Variants in MOB2 observed in about 807,000 individuals in gnomAD.
MOB2 encodes the protein MOB kinase activator 2.
A neutral mutation model predicts 27.4 loss-of-function variants in MOB2; 14 were observed. The ratio of observed to expected loss-of-function variants is 0.51; its 90% CI spans 0.34 to 0.80. The LOEUF (loss-of-function observed/expected upper bound fraction) is 0.80. Ranked by LOEUF, MOB2 falls within the 30% of genes least tolerant of loss-of-function variation. The pLI, the probability that MOB2 is intolerant of heterozygous loss-of-function variation, is 0.01. For synonymous variants in MOB2, 167 were observed against 151.8 expected, an observed-to-expected ratio of 1.10 and a Z score of -0.74; for missense variants, 304 against 354.6, an observed-to-expected ratio of 0.86 and a Z score of 1.15.
At chr11:1,473,463 C>G (rs1241806965) in intron 3 of MOB2, 1 of 152,326 alleles carries the variant, frequency 6.6e-6, no homozygotes, top group Non-Finnish European at 1.5e-5. Flanking sequence ...CAGGCTGAGG[C>G]CCATGTTTCC....
At chr11:1,483,984 GCTGGGAGC>G (rs1167657829) in intron 1 of MOB2, among the ~76,000 whole-genome samples, 2 of 152,310 alleles carry the variant, frequency 1.3e-5, no homozygotes, top group East Asian at 1.9e-4. Flanking sequence ...TGGGGAGTGG[GCTGGGAGC>G]CGCCCACTCC....
chr11:1,480,586 A>C, intron 2 of MOB2, 100 bp from the exon 3 acceptor site: 1 of 1,532,554 alleles, frequency 6.5e-7, no homozygotes, highest in Non-Finnish European at 8.9e-7. Context: ...CGGCTGGGTG[A>C]GCTCTGCCCG....
rs777203137 is a variant in MOB2 at position 1,470,145 on chromosome 11, C to T, written c.*27G>A. ...ACACACACCACCGTCTCTTTGCACA[C>T]GTGTGCCCCTGTCCGGCCCGGGGGG... is the stretch of plus-strand genomic sequence containing the variant. On this transcript the variant is annotated 3_prime_UTR_variant, in exon 5 of 5. Coordinates refer to ENST00000329957, the MANE Select transcript of MOB2 (RefSeq NM_001172223.3). The T allele has an allele frequency of 2.5e-5, 39 of 1,566,590 alleles. 1 individual carries two copies. The highest frequency in any genetic ancestry group is 1.7e-4 in the Middle Eastern group (1 of 6,004).
intron 1 of MOB2, among the ~76,000 whole-genome samples, chr11:1,485,569 G>T (rs1847960918): frequency 9.2e-5 from 14 of 152,212 alleles, no homozygotes; most frequent in Admixed American, 9.2e-4. Flanking sequence ...GAGGCACGGA[G>T]ATGCACACGG....
At chr11:1,484,678 C>T (rs1847952150) in intron 1 of MOB2, among the ~76,000 whole-genome samples, 1 of 152,080 alleles carries the variant, frequency 6.6e-6, no homozygotes, top group African/African-American at 2.4e-5. Context: ...CTGATGTGGC[C>T]TTCTGGGTGT....
Position 1,470,384 on chromosome 11 carries a change from C to A in MOB2, c.595G>T (p.Ala199Ser), listed in dbSNP as rs768509753. The change falls in exon 5 of 5, where the codon GCC (alanine) becomes TCC (serine). Residue 199 changes from alanine to serine, a missense_variant. Ala to Ser is a moderately conservative substitution (Grantham distance 99). Coordinates refer to ENST00000329957, the MANE Select transcript of MOB2 (RefSeq NM_001172223.3). ...IYWAHFKETL[A>S]LELHGHLNTL... ...TTCAAGTGTCCGTGCAGCTCCAGGG[C>A]CAGCGTCTCCTTGAAGTGGGCCCAG... 8 of 1,613,690 alleles carry A rather than the reference C, an allele frequency of 5.0e-6. No individual in the cohort carries two copies. The highest frequency in any genetic ancestry group is 1.7e-5 in the Admixed American group (1 of 60,038).
intron 1 of MOB2, among the ~76,000 whole-genome samples, chr11:1,483,251 G>A (rs552670388): frequency 2.0e-5 from 3 of 152,182 alleles, no homozygotes; most frequent in Non-Finnish European, 4.4e-5. Context: ...CTGGCTAGGA[G>A]CCCCGGGGCA....
intron 1 of MOB2, among the ~76,000 whole-genome samples, chr11:1,483,790 C>A (rs4323851): frequency 2.6e-5 from 4 of 152,200 alleles, no homozygotes; most frequent in Admixed American, 2.0e-4. Flanking sequence ...CAGCACGTAA[C>A]TGATCCCTAC....
At chr11:1,485,454 CTT>C (rs1238709769) in intron 1 of MOB2, among the ~76,000 whole-genome samples, 4 of 152,250 alleles carry the variant, frequency 2.6e-5, no homozygotes, top group African/African-American at 4.8e-5. Flanking sequence ...GGCCGGCACT[CTT>C]GTGTCTACTT....
intron 1 of MOB2, among the ~76,000 whole-genome samples, chr11:1,483,195 G>A (rs1179242504): frequency 6.6e-6 from 1 of 152,206 alleles, no homozygotes; most frequent in Non-Finnish European, 1.5e-5. Context: ...CCTCACCCAG[G>A]GAAGTGCCGA....
intron 1 of MOB2, among the ~76,000 whole-genome samples, chr11:1,484,331 C>T (rs1009063422): frequency 1.1e-4 from 17 of 152,138 alleles, no homozygotes; most frequent in East Asian, 3.9e-4. Context: ...GACCAGGCAG[C>T]GTGTGGGGTG....
At chr11:1,483,497 C>G (rs1205477268) in intron 1 of MOB2, among the ~76,000 whole-genome samples, 1 of 152,244 alleles carries the variant, frequency 6.6e-6, no homozygotes, top group African/African-American at 2.4e-5. Flanking sequence ...TCCTGCCTGG[C>G]AGGCACCATG....
At chr11:1,485,896 A>T (rs1374656962) in intron 1 of MOB2, among the ~76,000 whole-genome samples, 2 of 152,220 alleles carry the variant, frequency 1.3e-5, no homozygotes, top group Admixed American at 1.3e-4. Context: ...TTCCGGCAAC[A>T]TCCCTATGGC....
chr11:1,470,277 G>T lies in MOB2; in HGVS notation c.702C>A (p.Leu234=). ...DPKETAIMDD[L]TEVLCSGAGG... ...CGGCCCCGCTGCATAGCACCTCGGTGAGGTCGTCCATGATGGCGGTCTCTT... is the reference window on the plus strand; with the variant it reads ...CGGCCCCGCTGCATAGCACCTCGGTTAGGTCGTCCATGATGGCGGTCTCTT... The change falls in exon 5 of 5, where the codon CTC becomes CTA. Residue 234 remains leucine, a synonymous_variant. Transcript: ENST00000329957. 6.2e-7 allele frequency: 1 copy of T among 1,613,118 alleles called. No individual in the cohort carries two copies. Among genetic ancestry groups the T allele is most frequent in the Non-Finnish European group, 8.5e-7 (1 of 1,179,890 alleles).
At chr11:1,481,068 G>A in intron 1 of MOB2, 183 bp from the exon 2 acceptor site, 1 of 740,450 alleles carries the variant, frequency 1.4e-6, no homozygotes, top group Non-Finnish European at 2.2e-6. Context: ...GCTCCGCAGA[G>A]GGGCCAGTGG....
intron 3 of MOB2, among the ~76,000 whole-genome samples, chr11:1,479,661 T>G (rs1847888178): frequency 3.3e-5 from 5 of 152,254 alleles, no homozygotes; most frequent in Admixed American, 3.3e-4. Context: ...GAAAGCCATG[T>G]CTGTGGGCAG....
rs1351803509 is a variant in MOB2, at chr11:1,480,419, C to T, written c.339G>A (p.Thr113=). The change falls in exon 3 of 5, where the codon ACG becomes ACA. Residue 113 remains threonine (T), a synonymous_variant. Coordinates refer to ENST00000329957, the MANE Select transcript of MOB2 (RefSeq NM_001172223.3). ...TGTTGCACACGGCCATCGTCTGACACGTCTCTCCTGTGCAGAACTCGGAGA... is the reference window on the plus strand; with the variant it reads ...TGTTGCACACGGCCATCGTCTGACATGTCTCTCCTGTGCAGAACTCGGAGA... ...STISEFCTGE[T]CQTMAVCNTQ... The T allele has an allele frequency of 6.2e-6, 10 of 1,613,666 alleles. No homozygotes were observed. The highest frequency in any genetic ancestry group is 4.5e-5 in the East Asian group (2 of 44,894).
In MOB2 at chr11:1,470,170, G is replaced by T. The variant is rs895731965; in HGVS notation, c.*2C>A. 8 of 1,594,298 alleles carry T rather than the reference G, an allele frequency of 5.0e-6. No individual in the cohort carries two copies. The highest frequency in any genetic ancestry group is 6.8e-6 in the Non-Finnish European group (8 of 1,170,916). Reference sequence around the variant, plus strand: ...CGTGTGCCCCTGTCCGGCCCGGGGGGCTCATCTCTCCTTCACGTGGTTCTG... The same window carrying T: ...CGTGTGCCCCTGTCCGGCCCGGGGGTCTCATCTCTCCTTCACGTGGTTCTG... On this transcript the variant is annotated 3_prime_UTR_variant, in exon 5 of 5. Transcript: ENST00000329957.
In MOB2 at chr11:1,480,713, G is replaced by A. The variant is rs1345415592; in HGVS notation, c.271+12C>T. ...GAGGAGGGAGGGGGCCCGCCCCCAG[G>A]CCCCCGCGCACTGTTGCTGGCCAGC... On this transcript the variant is annotated intron_variant, in intron 2 of 4. Coordinates refer to ENST00000329957, the MANE Select transcript of MOB2 (RefSeq NM_001172223.3). 1 of 1,599,146 alleles carries A rather than the reference G, an allele frequency of 6.3e-7. No individual in the cohort carries two copies. Among genetic ancestry groups the A allele is most frequent in the Non-Finnish European group, 8.5e-7 (1 of 1,173,736 alleles).
Sources: allele counts gnomAD v4.1 joint callset (sites outside exome capture counted in the v4.1 genomes callset), GRCh38; gene constraint gnomAD v4.1.1; transcripts MANE v1.5; gene names NCBI Gene and HGNC (gene_info 2026-07-23, HGNC 2026-07-21).